The following KIF26B variants were observed in gnomAD, a reference collection of about 807,000 sequenced individuals.
KIF26B encodes the protein kinesin family member 26B, also known as kinesin-like protein KIF26B.
In KIF26B, 63 loss-of-function variants were observed where a neutral mutation model predicts 151.2. That is an observed-to-expected ratio of 0.42 (90% confidence interval 0.34 to 0.51). KIF26B has a LOEUF of 0.51. Ranked by LOEUF, KIF26B falls within the 20% of genes least tolerant of loss-of-function variation. The pLI is 0.07. For missense variants in KIF26B, 2,813 were observed against 2,913.6 expected (o/e 0.97, Z 0.79); for synonymous variants, 1,357 against 1,262.1 (o/e 1.08, Z -1.59).
intron 10 of KIF26B, among the ~76,000 whole-genome samples, chr1:245,671,424 C>T (rs150208153): frequency 6.6e-6 from 1 of 152,254 alleles, no homozygotes; most frequent in Non-Finnish European, 1.5e-5. Flanking sequence ...AGGTACCTGG[C>T]ACAGGCAAAT....
chr1:245,238,022 T>A (rs1352808444), intron 2 of KIF26B, among the ~76,000 whole-genome samples: 1 of 104,660 alleles, frequency 9.6e-6, no homozygotes. Context: ...CAAGACCCTG[T>A]CTCAAAAAAA....
At chr1:245,487,879 C>G (rs1660317144) in intron 4 of KIF26B, among the ~76,000 whole-genome samples, 1 of 151,900 alleles carries the variant, frequency 6.6e-6, no homozygotes, top group African/African-American at 2.4e-5. Context: ...ACCTCTGCCT[C>G]CCAGGTTCAA....
At chr1:245,298,711 A>T (rs1671377780) in intron 2 of KIF26B, among the ~76,000 whole-genome samples, 1 of 152,230 alleles carries the variant, frequency 6.6e-6, no homozygotes. Context: ...CTATGCTTAG[A>T]TATGTCTTTA....
chr1:245,427,618 A>T (rs1704417), intron 4 of KIF26B, among the ~76,000 whole-genome samples: 34,192 of 151,960 alleles, frequency 0.23, 4,004 homozygotes, highest in African/African-American at 0.25. Flanking sequence ...CAAAACAAAC[A>T]AACAAACAAA....
intron 9 of KIF26B, among the ~76,000 whole-genome samples, 186 bp from the exon 10 acceptor site, chr1:245,645,935 T>TTAA (rs1165787888): frequency 6.6e-6 from 1 of 152,216 alleles, no homozygotes; most frequent in African/African-American, 2.4e-5. Context: ...GTGGAAAGAA[T>TTAA]TTAAGAGGAC....
At chr1:245,635,399 A>G (rs1572171225) in intron 9 of KIF26B, among the ~76,000 whole-genome samples, 1 of 151,984 alleles carries the variant, frequency 6.6e-6, no homozygotes, top group Non-Finnish European at 1.5e-5. Flanking sequence ...CCATTCTTAC[A>G]CATTGTTTAA....
chr1:245,187,934 A>G (rs555138580), intron 2 of KIF26B, among the ~76,000 whole-genome samples: 2 of 152,158 alleles, frequency 1.3e-5, no homozygotes, highest in Non-Finnish European at 2.9e-5. Context: ...AGGAAATTCA[A>G]GTTTGAATGA....
chr1:245,500,899 T>C (rs935980149), intron 4 of KIF26B, among the ~76,000 whole-genome samples: 4 of 152,252 alleles, frequency 2.6e-5, no homozygotes, highest in Non-Finnish European at 5.9e-5. Context: ...TGTAAGTCAG[T>C]CAGCAGCATT....
chr1:245,687,798 C>T lies in KIF26B; in HGVS notation c.4815C>T (p.Ser1605=). 6.3e-7 allele frequency: 1 copy of T among 1,591,164 alleles called. No individual in the cohort carries two copies. Among genetic ancestry groups the T allele is most frequent in the African/African-American group, 1.3e-5 (1 of 74,280 alleles). Residue 1605 remains serine, a synonymous_variant, in exon 12 of 15, where the codon AGC becomes AGT. Transcript: ENST00000407071. This position sits in a 1 kb window ranked among gnomAD's most constrained non-coding sequence, Gnocchi z 4.9. ...CTCTGCCCCCTGTCCGAAAGTCCAG[C>T]CTGGACCAGAAGAACCGGGCCAGCC... ...TPPLPPVRKS[S]LDQKNRASPQ... is the part of the protein sequence containing the mutation.
intron 4 of KIF26B, among the ~76,000 whole-genome samples, chr1:245,502,138 C>A (rs1660635051): frequency 6.6e-6 from 1 of 152,222 alleles, no homozygotes; most frequent in Non-Finnish European, 1.5e-5. Flanking sequence ...AGCATGATTT[C>A]TTCCAACTGG....
In KIF26B at chr1:245,252,276, C is replaced by CA. The variant is rs5782329; in HGVS notation, c.465+95610dup. 2.0e-3 allele frequency among the ~76,000 whole-genome samples: 231 copies of CA among 113,740 alleles called. 4 individuals are homozygous for CA. The highest frequency in any genetic ancestry group is 6.3e-3 in the African/African-American group (193 of 30,420). 74.6% of individuals were successfully genotyped at this position (113,740 alleles called of 152,430 possible). A position where few individuals can be genotyped will look rare whatever the true frequency, so the allele number is the denominator to read the frequency against. ...GGGCAACAGGAGTGAGACCTTGTCT[C>CA]AAAAAAAAAAAAAAAAAGAAAAAAG... On this transcript the variant is annotated intron_variant, in intron 2 of 14. Coordinates refer to ENST00000407071, the MANE Select transcript of KIF26B (RefSeq NM_018012.4).
chr1:245,228,945 T>C (rs1004928888), intron 2 of KIF26B, among the ~76,000 whole-genome samples: 22 of 151,494 alleles, frequency 1.5e-4, no homozygotes, highest in Non-Finnish European at 2.9e-4. Flanking sequence ...GCTAGAGGGA[T>C]TTATTATTAT....
intron 2 of KIF26B, among the ~76,000 whole-genome samples, chr1:245,159,983 C>T (rs1328644933): frequency 1.3e-5 from 2 of 152,180 alleles, no homozygotes; most frequent in African/African-American, 4.8e-5. Context: ...GAAGGATGAT[C>T]ATGAGTTTGG....
chr1:245,551,631 C>T (rs955165293), intron 5 of KIF26B, among the ~76,000 whole-genome samples: 1 of 152,178 alleles, frequency 6.6e-6, no homozygotes, highest in Non-Finnish European at 1.5e-5. Context: ...TGCATGTCCA[C>T]GCCACGCGAC....
At position 245,360,029 on chromosome 1, in the gene KIF26B, T is replaced by C. The variant is rs140728862; in HGVS notation, c.466-6805T>C. On this transcript the variant is annotated intron_variant, in intron 2 of 14. Transcript: ENST00000407071. ...CTGGGATTACAGGCACCTACCACCA[T>C]GCCCGGCTAATTTTTTTATTTTTAG... Among the ~76,000 whole-genome samples, 1,382 of 151,886 alleles carry C rather than the reference T, an allele frequency of 9.1e-3. 21 individuals carry two copies. The highest frequency in any genetic ancestry group is 0.04 in the East Asian group (206 of 5,148).
At chr1:245,208,544 G>C (rs1669451797) in intron 2 of KIF26B, among the ~76,000 whole-genome samples, 1 of 152,158 alleles carries the variant, frequency 6.6e-6, no homozygotes, top group South Asian at 2.1e-4. Flanking sequence ...CACAGCCGTG[G>C]GTACGTGCAC....
intron 7 of KIF26B, among the ~76,000 whole-genome samples, chr1:245,608,612 TATAAAAAGAACC>T (rs1218897625): frequency 6.6e-6 from 1 of 152,162 alleles, no homozygotes; most frequent in East Asian, 1.9e-4. Flanking sequence ...GGGGGGTAAC[TATAAAAAGAACC>T]ATAATGATGA....
chr1:245,413,323 A>G (rs1674332828), intron 3 of KIF26B, among the ~76,000 whole-genome samples: 1 of 152,226 alleles, frequency 6.6e-6, no homozygotes, highest in Non-Finnish European at 1.5e-5. Context: ...AGAAGAAATA[A>G]ATTCCTAAGA....
chr1:245,659,250 A>C (rs2044107332), intron 10 of KIF26B, among the ~76,000 whole-genome samples: 1 of 152,104 alleles, frequency 6.6e-6, no homozygotes, highest in Non-Finnish European at 1.5e-5. Context: ...AAAAATAATA[A>C]TGATGGAATC....
Sources: allele counts gnomAD v4.1 joint callset (sites outside exome capture counted in the v4.1 genomes callset), GRCh38; gene constraint gnomAD v4.1.1; non-coding constraint Gnocchi (gnomAD v3.1); transcripts MANE v1.5; gene names NCBI Gene and HGNC (gene_info 2026-07-23, HGNC 2026-07-21).